SRGAP2C: variants seen among roughly 807,000 people sequenced by gnomAD.
SRGAP2C encodes the protein SLIT-ROBO Rho GTPase activating protein 2C, also known as SLIT-ROBO Rho GTPase-activating protein 2C.
A neutral mutation model predicts 25.1 loss-of-function variants in SRGAP2C; 15 were observed. The ratio of observed to expected loss-of-function variants is 0.60; its 90% CI spans 0.40 to 0.92. SRGAP2C has a LOEUF of 0.92. Ranked by LOEUF, SRGAP2C falls within the 40% of genes least tolerant of loss-of-function variation. The pLI, the probability that SRGAP2C is intolerant of heterozygous loss-of-function variation, is 0.00. For synonymous variants in SRGAP2C, 44 were observed against 96.6 expected, an observed-to-expected ratio of 0.46 and a Z score of 3.19; for missense variants, 144 against 264.4, an observed-to-expected ratio of 0.54 and a Z score of 3.16.
At chr1:121,271,465 T>A (rs1156652540) in intron 2 of SRGAP2C, among the ~76,000 whole-genome samples, 1 of 151,788 alleles carries the variant, frequency 6.6e-6, no homozygotes, top group Non-Finnish European at 1.5e-5. Flanking sequence ...GAATGTACAG[T>A]TTCTTTTACA....
intron 4 of SRGAP2C, among the ~76,000 whole-genome samples, chr1:121,335,645 G>T (rs1482687507): frequency 1.7e-4 from 25 of 150,678 alleles, no homozygotes; most frequent in Non-Finnish European, 3.4e-4. Context: ...TAGAGATGGG[G>T]TCTCGCTGTG....
chr1:121,384,160 C>CA (rs1330981430), intron 8 of SRGAP2C, among the ~76,000 whole-genome samples: 1 of 117,220 alleles, frequency 8.5e-6, no homozygotes, highest in African/African-American at 3.4e-5. Context: ...CCAAAGCTAC[C>CA]AAAAAAAGGA....
At chr1:121,378,899 C>T (rs1553354086) in intron 7 of SRGAP2C, among the ~76,000 whole-genome samples, 1 of 152,236 alleles carries the variant, frequency 6.6e-6, no homozygotes, top group South Asian at 2.1e-4. Flanking sequence ...CCACGTGAGG[C>T]ATCTGCCACA....
chr1:121,270,395 G>A (rs1421040245), intron 2 of SRGAP2C, among the ~76,000 whole-genome samples: 1 of 143,294 alleles, frequency 7.0e-6, no homozygotes, highest in East Asian at 2.0e-4. Flanking sequence ...TCCTTGAAGG[G>A]CAAAAATTTA....
intron 2 of SRGAP2C, among the ~76,000 whole-genome samples, chr1:121,261,123 T>TTTTTTTTA (rs1656624670): frequency 1.2e-5 from 1 of 82,028 alleles, no homozygotes; most frequent in Non-Finnish European, 2.5e-5. Flanking sequence ...TTTTTTTTTT[T>TTTTTTTTA]GTAGAGACAA....
chr1:121,312,547 C>G (rs1657989169), intron 3 of SRGAP2C, among the ~76,000 whole-genome samples: 1 of 104,660 alleles, frequency 9.6e-6, no homozygotes, highest in Non-Finnish European at 2.0e-5. Flanking sequence ...TTCCTGCTTT[C>G]TCTTGTGGGC....
intron 3 of SRGAP2C, among the ~76,000 whole-genome samples, chr1:121,308,415 A>G (rs1376066587): frequency 6.6e-6 from 1 of 151,606 alleles, no homozygotes; most frequent in Non-Finnish European, 1.5e-5. Flanking sequence ...TCTCAGCTAC[A>G]TTAGGCACAG....
intron 2 of SRGAP2C, among the ~76,000 whole-genome samples, chr1:121,199,020 T>C (rs1654914288): frequency 6.6e-6 from 1 of 152,068 alleles, no homozygotes; most frequent in Non-Finnish European, 1.5e-5. Flanking sequence ...TTGGCCCTTA[T>C]AATAATGATG....
chr1:121,233,198 GT>G (rs1263089481), intron 2 of SRGAP2C, among the ~76,000 whole-genome samples: 1 of 119,190 alleles, frequency 8.4e-6, no homozygotes, highest in Non-Finnish European at 1.8e-5. Context: ...CCAGTCTGGG[GT>G]GCAGTGGTGC....
At chr1:121,332,437 T>G (rs1449389279) in intron 4 of SRGAP2C, among the ~76,000 whole-genome samples, 2 of 144,976 alleles carry the variant, frequency 1.4e-5, no homozygotes, top group Non-Finnish European at 3.0e-5. Context: ...TTCAGATAAA[T>G]AAATCTGGTG....
chr1:121,308,233 CACT>C (rs1296649937), intron 3 of SRGAP2C, among the ~76,000 whole-genome samples: 5 of 138,932 alleles, frequency 3.6e-5, no homozygotes, highest in African/African-American at 5.3e-5. Flanking sequence ...CCTGCTCCAC[CACT>C]GTCTGTGTGA....
chr1:121,374,777 G>GC (rs782551285), intron 6 of SRGAP2C, 49 bp from the exon 7 acceptor site: 3 of 753,880 alleles, frequency 4.0e-6, no homozygotes, highest in Middle Eastern at 4.7e-4. Flanking sequence ...TAGAGAACAA[G>GC]CCCCCCTTTA....
intron 7 of SRGAP2C, among the ~76,000 whole-genome samples, chr1:121,377,664 ATATT>A (rs1199213677): frequency 1.4e-5 from 1 of 71,970 alleles, no homozygotes; most frequent in East Asian, 4.1e-4. Context: ...TGTTCAGTAA[ATATT>A]TATTTAGGGA....
Position 121,332,190 on chromosome 1 carries a change from AGG to A in SRGAP2C, c.423+7552_423+7553del, listed in dbSNP as rs1202350098. Among the ~76,000 whole-genome samples, 461 of 95,994 alleles carry A rather than the reference AGG, an allele frequency of 4.8e-3. 3 individuals carry two copies. Among genetic ancestry groups the A allele is most frequent in the African/African-American group, 0.019 (441 of 23,776 alleles). The allele number at this position is 95,994 out of a possible 152,430, so 63.0% of individuals were successfully genotyped here. A position where few individuals can be genotyped will look rare whatever the true frequency, so the allele number is the denominator to read the frequency against. The stretch of plus-strand genomic sequence containing the variant: ...ATGATTTAGTCAGAATCTCTGGAGT[AGG>A]GCCTGGGTGATTGTTGCCTACAGCT... On this transcript the variant is annotated intron_variant, in intron 4 of 9. Coordinates refer to ENST00000367123, the MANE Select transcript of SRGAP2C (RefSeq NM_001329984.2).
intron 3 of SRGAP2C, among the ~76,000 whole-genome samples, chr1:121,314,333 T>G (rs1658043517): frequency 6.6e-6 from 1 of 151,092 alleles, no homozygotes; most frequent in Non-Finnish European, 1.5e-5. Flanking sequence ...TCTTCTAAAC[T>G]TTTTTCAAAG....
chr1:121,375,775 C>T (rs1659628616), intron 7 of SRGAP2C, among the ~76,000 whole-genome samples: 1 of 151,912 alleles, frequency 6.6e-6, no homozygotes, highest in African/African-American at 2.4e-5. Context: ...ACTCTCACAT[C>T]ACCATTATGG....
At chr1:121,233,083 C>T (rs868936242) in intron 2 of SRGAP2C, among the ~76,000 whole-genome samples, 2,837 of 120,200 alleles carry the variant, frequency 0.024, no homozygotes, top group African/African-American at 0.09. Context: ...ATCTGGACAA[C>T]GTGGACCTTG....
At chr1:121,337,546 C>T (rs1221734196) in intron 4 of SRGAP2C, among the ~76,000 whole-genome samples, 1 of 151,740 alleles carries the variant, frequency 6.6e-6, no homozygotes, top group Non-Finnish European at 1.5e-5. Flanking sequence ...GGAGGAGAAT[C>T]GCTTGAACCT....
chr1:121,339,406 C>G (rs1658598205), intron 4 of SRGAP2C, among the ~76,000 whole-genome samples: 1 of 151,206 alleles, frequency 6.6e-6, no homozygotes, highest in African/African-American at 2.4e-5. Flanking sequence ...CGTGGGCTAC[C>G]ACATCCAGCT....
Sources: gnomAD v4.1 joint callset for allele counts (sites outside exome capture counted in the v4.1 genomes callset) on GRCh38, gnomAD v4.1.1 for gene constraint, MANE v1.5 for transcripts, NCBI Gene and HGNC (gene_info 2026-07-23, HGNC 2026-07-21) for gene names.